Variants in APP observed in about 807,000 individuals in gnomAD.
APP encodes the protein amyloid beta precursor protein.
APP carries 31 observed loss-of-function variants against 101.4 expected under a neutral mutation model. The ratio of observed to expected loss-of-function variants is 0.31; its 90% CI spans 0.23 to 0.41. The LOEUF is 0.41. APP is among the 10% of genes least tolerant of loss of function. APP has a pLI of 1.00. For missense variants in APP, 839 were observed against 1,003.7 expected, an observed-to-expected ratio of 0.84 and a Z score of 2.22; for synonymous variants, 366 against 364.4, an observed-to-expected ratio of 1.00 and a Z score of -0.05.
At chr21:26,060,570 A>G (rs2046231599) in intron 3 of APP, among the ~76,000 whole-genome samples, 1 of 152,218 alleles carries the variant, frequency 6.6e-6, no homozygotes, top group Non-Finnish European at 1.5e-5. Flanking sequence ...AGATAAAAAT[A>G]CAGTGTCTGT....
chr21:25,923,054 A>G, intron 13 of APP, among the ~76,000 whole-genome samples: 1 of 142,954 alleles, frequency 7.0e-6, no homozygotes, highest in Non-Finnish European at 1.5e-5. Context: ...GGAACAGAAC[A>G]GAGCCCTCAG....
chr21:25,988,702 C>CAA lies in APP; in HGVS notation c.1091-6227_1091-6226dup, dbSNP rs537417600. Among the ~76,000 whole-genome samples, 153 of 62,306 alleles carry CAA rather than the reference C, an allele frequency of 2.5e-3. 3 individuals are homozygous for CAA. Among genetic ancestry groups the CAA allele is most frequent in the African/African-American group, 3.2e-3 (50 of 15,582 alleles). The allele number at this position is 62,306 out of a possible 152,430, so 40.9% of individuals were successfully genotyped here. A position where few individuals can be genotyped will look rare whatever the true frequency, so the allele number is the denominator to read the frequency against. The stretch of plus-strand genomic sequence containing the variant: ...GGGTGATAACAGCGAAACTCTGTCT[C>CAA]AAAAAAAAAAAAAAAAAAAAAGGAG... On this transcript the variant is annotated intron_variant, in intron 8 of 17. Transcript: ENST00000346798.
chr21:26,120,490 G>A (rs570905397), intron 1 of APP, among the ~76,000 whole-genome samples: 1 of 152,090 alleles, frequency 6.6e-6, no homozygotes, highest in Admixed American at 6.5e-5. Flanking sequence ...TGTAAGGTAG[G>A]ATCAGTTATG....
intron 8 of APP, among the ~76,000 whole-genome samples, chr21:25,990,428 A>T (rs1049735581): frequency 2.2e-5 from 3 of 139,070 alleles, no homozygotes; most frequent in African/African-American, 9.2e-5. Flanking sequence ...AATCTAAAAA[A>T]TATATGTGAA....
At chr21:25,959,422 G>C (rs1007907078) in intron 11 of APP, among the ~76,000 whole-genome samples, 2 of 152,236 alleles carry the variant, frequency 1.3e-5, no homozygotes, top group African/African-American at 4.8e-5. Flanking sequence ...GACAGGACGA[G>C]ACTCCGTCTC....
intron 8 of APP, among the ~76,000 whole-genome samples, chr21:25,986,990 C>A (rs1192579620): frequency 1.3e-5 from 2 of 152,210 alleles, no homozygotes; most frequent in African/African-American, 4.8e-5. Context: ...CATAAAAAGG[C>A]TGTAAAGCTA....
intron 6 of APP, among the ~76,000 whole-genome samples, chr21:26,008,936 G>A (rs1327017710): frequency 2.6e-5 from 4 of 152,270 alleles, no homozygotes; most frequent in Non-Finnish European, 4.4e-5. Context: ...GGCAGGAGAC[G>A]CTACTAGAGT....
chr21:25,948,606 C>A (rs894494258), intron 13 of APP, among the ~76,000 whole-genome samples: 1 of 152,062 alleles, frequency 6.6e-6, no homozygotes, highest in African/African-American at 2.4e-5. Context: ...AACAATTATG[C>A]CTTTGTTCCC....
intron 1 of APP, among the ~76,000 whole-genome samples, chr21:26,127,614 G>A (rs1052382095): frequency 2.0e-5 from 3 of 152,172 alleles, no homozygotes; most frequent in African/African-American, 7.2e-5. Flanking sequence ...GGAACTGGCT[G>A]AAGGGACCCA....
intron 4 of APP, among the ~76,000 whole-genome samples, chr21:26,051,409 A>G (rs907890627): frequency 6.6e-6 from 1 of 152,134 alleles, no homozygotes; most frequent in Non-Finnish European, 1.5e-5. Flanking sequence ...TATTTATTTA[A>G]TAAGACCACG....
At chr21:25,972,605 C>G (rs566196055) in intron 11 of APP, among the ~76,000 whole-genome samples, 1 of 149,118 alleles carries the variant, frequency 6.7e-6, no homozygotes, top group South Asian at 2.2e-4. Flanking sequence ...CATGCAATCA[C>G]AGCTCACTGC....
Position 25,929,601 on chromosome 21 carries a change from TTTCTCC to T in APP, c.1688-17645_1688-17640del, listed in dbSNP as rs2040054166. 4.6e-5 allele frequency among the ~76,000 whole-genome samples: 7 copies of T among 152,314 alleles called. No individual in the cohort carries two copies. The South Asian group carries it at 1.5e-3, about 32-fold the overall frequency. ...CATTCCTTTTTCTGGGTACAGTTTGTTTCTCCTTCTAAGTAAGTTCCTAGATATAGA... is the reference window on the plus strand; with the variant it reads ...CATTCCTTTTTCTGGGTACAGTTTGTTTCTAAGTAAGTTCCTAGATATAGA... On this transcript the variant is annotated intron_variant, in intron 13 of 17. Transcript: ENST00000346798.
At chr21:26,104,843 C>T (rs1003791612) in intron 2 of APP, among the ~76,000 whole-genome samples, 6 of 151,976 alleles carry the variant, frequency 3.9e-5, no homozygotes, top group African/African-American at 1.2e-4. Flanking sequence ...AAAGTCAAAA[C>T]GACGTGACGG....
chr21:26,168,724 A>C (rs1470509463), intron 1 of APP, among the ~76,000 whole-genome samples: 2 of 152,264 alleles, frequency 1.3e-5, no homozygotes, highest in African/African-American at 4.8e-5. Context: ...AAATGTAAGT[A>C]AGTCATGAGA....
At chr21:25,986,307 C>A (rs1477080790) in intron 8 of APP, among the ~76,000 whole-genome samples, 2 of 152,180 alleles carry the variant, frequency 1.3e-5, no homozygotes, top group African/African-American at 4.8e-5. Context: ...AAAGTGGAAA[C>A]AAACTGGCTT....
intron 8 of APP, among the ~76,000 whole-genome samples, chr21:25,996,660 A>C (rs2043067369): frequency 6.6e-6 from 1 of 152,228 alleles, no homozygotes; most frequent in African/African-American, 2.4e-5. Context: ...GCTTGCTTAG[A>C]AGTTCCACTG....
intron 13 of APP, among the ~76,000 whole-genome samples, chr21:25,918,979 C>G (rs1477859950): frequency 1.4e-5 from 1 of 71,784 alleles, no homozygotes; most frequent in Non-Finnish European, 2.7e-5. Context: ...TTAAATGTCC[C>G]TGTCTGACAG....
intron 3 of APP, among the ~76,000 whole-genome samples, chr21:26,079,475 A>G (rs932146048): frequency 1.3e-5 from 2 of 152,228 alleles, no homozygotes; most frequent in Non-Finnish European, 2.9e-5. Context: ...TTGGCCCAGA[A>G]AAGTTCACAT....
At position 25,977,636 on chromosome 21, in the gene APP, CTTG is replaced by C. The variant is rs775815969; in HGVS notation, c.1225-1611_1225-1609del. 1.6e-4 allele frequency among the ~76,000 whole-genome samples: 24 copies of C among 152,270 alleles called. 1 individual carries two copies. Among genetic ancestry groups the C allele is most frequent in the Middle Eastern group, 3.4e-3 (1 of 294 alleles). On this transcript the variant is annotated intron_variant, in intron 9 of 17. Transcript: ENST00000346798. ...GTATATGATAGGCAATTAGCTTCTT[CTTG>C]TTGTTTTTGTAAAACCATGGAGGAA...
Sources: gnomAD v4.1 joint callset for allele counts (sites outside exome capture counted in the v4.1 genomes callset) on GRCh38, gnomAD v4.1.1 for gene constraint, MANE v1.5 for transcripts, NCBI Gene and HGNC (gene_info 2026-07-23, HGNC 2026-07-21) for gene names.